NKAIN2: variants seen among roughly 807,000 people sequenced by gnomAD.
NKAIN2 encodes the protein sodium/potassium-transporting ATPase subunit beta-1-interacting protein 2.
Under a neutral mutation model 32.6 loss-of-function variants are expected in NKAIN2, and 14 were observed. The ratio of observed to expected loss-of-function variants is 0.43; its 90% CI spans 0.28 to 0.67. NKAIN2 has a LOEUF of 0.67. Among genes scored for constraint, NKAIN2 ranks in the 30% least tolerant of loss-of-function variants. The probability of loss-of-function intolerance (pLI) is 0.17; values close to 1 mark genes in which losing one functional copy is unlikely to be tolerated. For synonymous variants in NKAIN2, 80 were observed against 87.2 expected (o/e 0.92, Z 0.46); for missense variants, 198 against 258.3 (o/e 0.77, Z 1.60).
chr6:123,853,742 T>G (rs553772254), intron 1 of NKAIN2, among the ~76,000 whole-genome samples: 1 of 152,054 alleles, frequency 6.6e-6, no homozygotes, highest in East Asian at 1.9e-4. Context: ...ATCTGCAGTT[T>G]ACATTTGAAT....
At chr6:124,015,838 C>T (rs955250686) in intron 1 of NKAIN2, among the ~76,000 whole-genome samples, 3 of 152,150 alleles carry the variant, frequency 2.0e-5, no homozygotes, top group African/African-American at 7.2e-5. Context: ...ACTTAATTAT[C>T]GCAGTAAGCA....
chr6:124,579,226 C>T (rs751752104), intron 3 of NKAIN2, among the ~76,000 whole-genome samples: 6 of 152,098 alleles, frequency 3.9e-5, no homozygotes, highest in Non-Finnish European at 7.3e-5. Flanking sequence ...TCATGACCAT[C>T]GAGGAAAACA....
At chr6:124,370,175 TA>T (rs1465490932) in intron 3 of NKAIN2, among the ~76,000 whole-genome samples, 1 of 151,114 alleles carries the variant, frequency 6.6e-6, no homozygotes, top group Non-Finnish European at 1.5e-5. Context: ...CAATGTTCAG[TA>T]AATACCGTGC....
At position 124,491,751 on chromosome 6, in the gene NKAIN2, G is replaced by A. The variant is rs571793508; in HGVS notation, c.273+136404G>A. Among the ~76,000 whole-genome samples the A allele has an allele frequency of 3.3e-5, 5 of 151,908 alleles. No homozygotes were observed. In the East Asian group the frequency reaches 5.8e-4, roughly 18 times the overall value. ...AAGTTGATACGATGTGGCGGAAAAT[G>A]TTCTCAATTCCAAAACATGCAGGTA... On this transcript the variant is annotated intron_variant, in intron 3 of 6. Coordinates refer to ENST00000368417, the MANE Select transcript of NKAIN2 (RefSeq NM_001040214.3).
At chr6:124,626,522 A>T (rs1783352564) in intron 3 of NKAIN2, among the ~76,000 whole-genome samples, 1 of 152,206 alleles carries the variant, frequency 6.6e-6, no homozygotes, top group East Asian at 1.9e-4. Context: ...TATTTAGTAC[A>T]CATTTAAGGA....
Position 124,614,695 on chromosome 6 carries a change from C to G in NKAIN2, c.274-43491C>G, listed in dbSNP as rs146773950. On this transcript the variant is annotated intron_variant, in intron 3 of 6. Coordinates refer to ENST00000368417, the MANE Select transcript of NKAIN2 (RefSeq NM_001040214.3). ...GAAGATGTTGGTCCCAAAGACCCCC[C>G]CAATTTCTTCTCTGGCCCCTCCATT... Among the ~76,000 whole-genome samples, 586 of 152,120 alleles carry G rather than the reference C, an allele frequency of 3.9e-3. 4 individuals are homozygous for G. The highest frequency in any genetic ancestry group is 0.014 in the African/African-American group (561 of 41,486).
intron 3 of NKAIN2, among the ~76,000 whole-genome samples, chr6:124,519,105 G>A (rs1297491902): frequency 1.3e-5 from 2 of 152,152 alleles, no homozygotes; most frequent in Non-Finnish European, 2.9e-5. Context: ...AGTGAAGTTA[G>A]ATCACTACTT....
chr6:124,123,757 G>A (rs1786010128), intron 1 of NKAIN2, among the ~76,000 whole-genome samples: 1 of 152,100 alleles, frequency 6.6e-6, no homozygotes, highest in Admixed American at 6.5e-5. Context: ...CAAATGGCAG[G>A]AACTGGGCTC....
At chr6:124,626,638 A>G (rs1017153799) in intron 3 of NKAIN2, among the ~76,000 whole-genome samples, 4 of 152,158 alleles carry the variant, frequency 2.6e-5, no homozygotes, top group African/African-American at 9.7e-5. Flanking sequence ...TATCAAGACA[A>G]CTGAAAGCCG....
chr6:124,029,890 G>A (rs1582957624), intron 1 of NKAIN2, among the ~76,000 whole-genome samples: 2 of 152,148 alleles, frequency 1.3e-5, no homozygotes, highest in East Asian at 1.9e-4. Context: ...ACTGTGAACT[G>A]TGCATGTGAG....
chr6:124,030,875 G>T (rs1324560983), intron 1 of NKAIN2, among the ~76,000 whole-genome samples: 1 of 152,040 alleles, frequency 6.6e-6, no homozygotes, highest in African/African-American at 2.4e-5. Flanking sequence ...TCTCTTTTTT[G>T]ATTGTTAACC....
intron 1 of NKAIN2, among the ~76,000 whole-genome samples, chr6:123,915,742 T>C (rs969802617): frequency 1.3e-5 from 2 of 152,184 alleles, no homozygotes; most frequent in Non-Finnish European, 2.9e-5. Context: ...GCACGAATTC[T>C]CTTGTGTGTC....
At chr6:124,704,047 T>C (rs574268551) in intron 4 of NKAIN2, among the ~76,000 whole-genome samples, 201 of 152,008 alleles carry the variant, frequency 1.3e-3, no homozygotes, top group African/African-American at 4.8e-3. Context: ...TATACCAAAA[T>C]GGGAGTTCTG....
chr6:124,424,149 A>G (rs1350396623), intron 3 of NKAIN2, among the ~76,000 whole-genome samples: 1 of 152,042 alleles, frequency 6.6e-6, no homozygotes, highest in African/African-American at 2.4e-5. Context: ...GCCCGCCACC[A>G]TGCCCAGCTA....
At chr6:124,471,396 T>C (rs2114673385) in intron 3 of NKAIN2, among the ~76,000 whole-genome samples, 1 of 152,226 alleles carries the variant, frequency 6.6e-6, no homozygotes, top group South Asian at 2.1e-4. Flanking sequence ...ATCACTCCAG[T>C]CAACCATTCT....
intron 3 of NKAIN2, among the ~76,000 whole-genome samples, chr6:124,634,260 A>C (rs1783687245): frequency 6.6e-6 from 1 of 152,218 alleles, no homozygotes; most frequent in South Asian, 2.1e-4. Context: ...AGTAAAAGAA[A>C]ATATATTGAA....
At chr6:124,262,802 A>G (rs1794313900) in intron 1 of NKAIN2, among the ~76,000 whole-genome samples, 1 of 152,192 alleles carries the variant, frequency 6.6e-6, no homozygotes, top group Admixed American at 6.5e-5. Flanking sequence ...GTTAATAACA[A>G]GCAACGATGG....
intron 4 of NKAIN2, among the ~76,000 whole-genome samples, chr6:124,711,864 A>T (rs1228294023): frequency 1.3e-5 from 2 of 152,112 alleles, no homozygotes; most frequent in Non-Finnish European, 2.9e-5. Context: ...GCTGGTGAGG[A>T]ACTGTGTTCC....
At chr6:124,235,060 C>T (rs1792674401) in intron 1 of NKAIN2, among the ~76,000 whole-genome samples, 1 of 152,132 alleles carries the variant, frequency 6.6e-6, no homozygotes, top group African/African-American at 2.4e-5. Context: ...CTGGCCAAAG[C>T]TTAAAGGACA....
Sources: allele counts gnomAD v4.1 joint callset (sites outside exome capture counted in the v4.1 genomes callset), GRCh38; gene constraint gnomAD v4.1.1; transcripts MANE v1.5; gene names NCBI Gene and HGNC (gene_info 2026-07-23, HGNC 2026-07-21).